PCDH15: variants seen among roughly 807,000 people sequenced by gnomAD.
The protein encoded by PCDH15 is protocadherin related 15, also known as protocadherin-15.
In PCDH15, 129 loss-of-function variants were observed where a neutral mutation model predicts 178.5. That is an observed-to-expected ratio of 0.72 (90% CI 0.63 to 0.84). The LOEUF is 0.84. Ranked by LOEUF, PCDH15 falls within the 40% of genes least tolerant of loss-of-function variation. PCDH15 has a pLI of 0.00. For synonymous variants in PCDH15, 800 were observed against 732.0 expected, an observed-to-expected ratio of 1.09 and a Z score of -1.50; for missense variants, 2,230 against 2,099.9, an observed-to-expected ratio of 1.06 and a Z score of -1.21.
At chr10:55,141,164 GACA>G (rs773187654) in intron 2 of PCDH15, among the ~76,000 whole-genome samples, 6 of 151,812 alleles carry the variant, frequency 4.0e-5, no homozygotes, top group African/African-American at 7.3e-5. Flanking sequence ...CTTCTTCTGG[GACA>G]ACAACATTAC....
intron 3 of PCDH15, among the ~76,000 whole-genome samples, chr10:54,428,041 G>A (rs11816348): frequency 8.5e-5 from 13 of 152,054 alleles, no homozygotes; most frequent in African/African-American, 1.9e-4. Context: ...TCTTGAAGCC[G>A]ATATAAGAGA....
At chr10:55,173,955 T>G (rs1055840782) in intron 1 of PCDH15, among the ~76,000 whole-genome samples, 17 of 152,152 alleles carry the variant, frequency 1.1e-4, no homozygotes, top group African/African-American at 4.1e-4. Context: ...AATTACTGCA[T>G]TTCAAAGCTT....
At chr10:54,032,716 T>A (rs916226477) in intron 18 of PCDH15, among the ~76,000 whole-genome samples, 2 of 152,070 alleles carry the variant, frequency 1.3e-5, no homozygotes, top group African/African-American at 4.8e-5. Flanking sequence ...ATTGCTTTCT[T>A]GTTTTCAATT....
Position 55,179,420 on chromosome 10 carries a change from T to G in PCDH15, c.-155-12769A>C, listed in dbSNP as rs367646104. Among the ~76,000 whole-genome samples, 58 of 152,174 alleles carry G rather than the reference T, an allele frequency of 3.8e-4. 1 individual carries two copies. Among genetic ancestry groups the G allele is most frequent in the African/African-American group, 1.3e-3 (56 of 41,526 alleles). On this transcript the variant is annotated intron_variant, in intron 1 of 5. Transcript: ENST00000458638. ...TGAAAACTGAGATGCCAGTTCTGGATAGAGTCCATGACCAGAGTGAGAATT... is the reference window on the plus strand; with the variant it reads ...TGAAAACTGAGATGCCAGTTCTGGAGAGAGTCCATGACCAGAGTGAGAATT...
At position 55,194,763 on chromosome 10, in the gene PCDH15, C is replaced by T. The variant is rs1247705357; in HGVS notation, c.-155-28112G>A. ...AGTAAAAATAATTAGCAATATAAGC[C>T]GAACGTGATGAGCGACTATATATAG... On this transcript the variant is annotated intron_variant, in intron 1 of 5. Coordinates refer to the PCDH15 transcript ENST00000458638. 2.6e-5 allele frequency among the ~76,000 whole-genome samples: 4 copies of T among 151,442 alleles called. 1 individual carries two copies. Among genetic ancestry groups the T allele is most frequent in the African/African-American group, 7.3e-5 (3 of 41,108 alleles).
intron 15 of PCDH15, among the ~76,000 whole-genome samples, chr10:54,108,416 T>C (rs2094955437): frequency 6.6e-6 from 1 of 152,150 alleles, no homozygotes; most frequent in South Asian, 2.1e-4. Context: ...ATTCAGCTGA[T>C]GCCGGCTCAC....
intron 5 of PCDH15, among the ~76,000 whole-genome samples, chr10:54,367,836 C>T (rs1565097553): frequency 6.7e-6 from 1 of 149,908 alleles, no homozygotes; most frequent in Admixed American, 6.7e-5. Flanking sequence ...TATATATATA[C>T]ATATATATAT....
At chr10:54,396,937 A>G (rs1396279195) in intron 3 of PCDH15, among the ~76,000 whole-genome samples, 1 of 152,054 alleles carries the variant, frequency 6.6e-6, no homozygotes, top group African/African-American at 2.4e-5. Flanking sequence ...AGGACTGTGT[A>G]CTATCTTATT....
chr10:53,979,073 C>T (rs2090418007), intron 21 of PCDH15, among the ~76,000 whole-genome samples: 1 of 152,140 alleles, frequency 6.6e-6, no homozygotes, highest in Non-Finnish European at 1.5e-5. Context: ...TTTTCAGATG[C>T]CTTTACAGCA....
intron 2 of PCDH15, among the ~76,000 whole-genome samples, chr10:54,552,617 A>G (rs1399120951): frequency 6.6e-6 from 1 of 152,140 alleles, no homozygotes; most frequent in Non-Finnish European, 1.5e-5. Flanking sequence ...TAAAAAATGT[A>G]TAATATGCAA....
intron 2 of PCDH15, among the ~76,000 whole-genome samples, chr10:54,952,177 G>A (rs967862178): frequency 1.3e-5 from 2 of 151,772 alleles, no homozygotes; most frequent in Non-Finnish European, 1.5e-5. Flanking sequence ...AATCCATTTT[G>A]AACTAATTTT....
intron 2 of PCDH15, among the ~76,000 whole-genome samples, chr10:55,327,073 A>G (rs940993202): frequency 1.3e-5 from 2 of 152,118 alleles, no homozygotes; most frequent in African/African-American, 4.8e-5. Flanking sequence ...ATCCCAAAGT[A>G]ATGGTAATAG....
At chr10:54,935,658 A>AG (rs1315265812) in intron 2 of PCDH15, among the ~76,000 whole-genome samples, 18 of 152,118 alleles carry the variant, frequency 1.2e-4, no homozygotes, top group African/African-American at 4.3e-4. Context: ...GTACTCACAT[A>AG]CTCAGTTCCT....
At chr10:54,822,245 C>T (rs1953054754) in intron 3 of PCDH15, among the ~76,000 whole-genome samples, 3 of 151,996 alleles carry the variant, frequency 2.0e-5, no homozygotes, top group Admixed American at 1.3e-4. Context: ...TGTCACTGTC[C>T]TATTCCTTTT....
intron 2 of PCDH15, among the ~76,000 whole-genome samples, chr10:55,345,847 C>T (rs12773326): frequency 0.55 from 83,350 of 151,662 alleles, 23,452 homozygotes; most frequent in African/African-American, 0.66. Context: ...AAAGAAATTA[C>T]ATTTAGTTTT....
intron 5 of PCDH15, among the ~76,000 whole-genome samples, chr10:54,367,500 G>A (rs371345938): frequency 6.6e-6 from 1 of 151,806 alleles, no homozygotes; most frequent in East Asian, 1.9e-4. Context: ...GGGATCCAGG[G>A]GCAGTTAGTG....
chr10:55,445,040 A>G (rs1839284573), intron 2 of PCDH15, among the ~76,000 whole-genome samples: 1 of 152,138 alleles, frequency 6.6e-6, no homozygotes, highest in African/African-American at 2.4e-5. Flanking sequence ...AAAAGGATTG[A>G]CTGGAAAATT....
intron 26 of PCDH15, among the ~76,000 whole-genome samples, chr10:53,895,345 T>C (rs954145473): frequency 1.3e-5 from 2 of 152,224 alleles, no homozygotes; most frequent in East Asian, 1.9e-4. Flanking sequence ...GAAAATGTAA[T>C]AAACAATCAG....
At chr10:54,073,919 G>T (rs1475656819) in intron 17 of PCDH15, among the ~76,000 whole-genome samples, 2 of 152,138 alleles carry the variant, frequency 1.3e-5, no homozygotes, top group African/African-American at 4.8e-5. Context: ...ACCCACTGTT[G>T]CTACTTACAG....
Sources: allele counts gnomAD v4.1 joint callset (sites outside exome capture counted in the v4.1 genomes callset), GRCh38; gene constraint gnomAD v4.1.1; transcripts MANE v1.5; gene names NCBI Gene and HGNC (gene_info 2026-07-23, HGNC 2026-07-21).